Variants in ARHGAP22 observed in about 807,000 individuals in gnomAD.
ARHGAP22 encodes rho GTPase-activating protein 22.
In ARHGAP22, 48 loss-of-function variants were observed where a neutral mutation model predicts 59.1. That is an observed-to-expected ratio of 0.81 (90% CI 0.64 to 1.03). The LOEUF is 1.03. Ranked by LOEUF, ARHGAP22 falls within the 50% of genes least tolerant of loss-of-function variation. ARHGAP22 has a pLI of 0.00. For synonymous variants in ARHGAP22, 445 were observed against 416.4 expected, an observed-to-expected ratio of 1.07 and a Z score of -0.84; for missense variants, 1,015 against 958.7, an observed-to-expected ratio of 1.06 and a Z score of -0.78.
At chr10:48,635,551 C>T (rs1183283613) in intron 1 of ARHGAP22, among the ~76,000 whole-genome samples, 1 of 152,356 alleles carries the variant, frequency 6.6e-6, no homozygotes, top group South Asian at 2.1e-4. Context: ...TGGGTGTCCA[C>T]ACCCCTGGGG....
chr10:48,460,228 G>A (rs1483346057), intron 4 of ARHGAP22, among the ~76,000 whole-genome samples: 1 of 152,172 alleles, frequency 6.6e-6, no homozygotes, highest in African/African-American at 2.4e-5. Flanking sequence ...TGGTTTTGCA[G>A]TCATTCCAAA....
At chr10:48,623,614 A>G (rs2061353002) in intron 1 of ARHGAP22, among the ~76,000 whole-genome samples, 1 of 152,198 alleles carries the variant, frequency 6.6e-6, no homozygotes, top group Admixed American at 6.5e-5. Context: ...CAGATTGTCC[A>G]GGTCAGGCAA....
intron 3 of ARHGAP22, among the ~76,000 whole-genome samples, chr10:48,531,401 TCC>T (rs1035031319): frequency 1.3e-5 from 2 of 152,160 alleles, no homozygotes; most frequent in African/African-American, 4.8e-5. Flanking sequence ...CACCACATGT[TCC>T]CCCAAAACCT....
At chr10:48,527,814 C>T (rs74133408) in intron 3 of ARHGAP22, among the ~76,000 whole-genome samples, 2,667 of 152,284 alleles carry the variant, frequency 0.018, 80 homozygotes, top group African/African-American at 0.06. Flanking sequence ...GTGCTCAAGC[C>T]GCCTTGCTCC....
chr10:48,554,748 C>T (rs1462962124), intron 3 of ARHGAP22, among the ~76,000 whole-genome samples: 8 of 152,134 alleles, frequency 5.3e-5, no homozygotes, highest in African/African-American at 1.7e-4. Flanking sequence ...TGTCCAGAAG[C>T]CCCTGTGGGA....
At chr10:48,471,462 C>T (rs565581477) in intron 4 of ARHGAP22, among the ~76,000 whole-genome samples, 5 of 152,330 alleles carry the variant, frequency 3.3e-5, no homozygotes, top group African/African-American at 1.2e-4. Flanking sequence ...GTCCCAGCCC[C>T]CAGACTTCTG....
chr10:48,603,587 G>A (rs2060509493), intron 1 of ARHGAP22, among the ~76,000 whole-genome samples: 5 of 152,202 alleles, frequency 3.3e-5, no homozygotes, highest in Admixed American at 3.3e-4. Flanking sequence ...TTACACAGGA[G>A]TGGGAGGGTG....
chr10:48,445,151 A>C (rs577914580), downstream of ARHGAP22: 1 of 152,422 alleles, frequency 6.6e-6, no homozygotes, highest in African/African-American at 2.4e-5. Flanking sequence ...ATTTCCTGGG[A>C]GCACTGAGCC....
At chr10:48,576,441 A>T (rs1458897749) in intron 2 of ARHGAP22, among the ~76,000 whole-genome samples, 1 of 152,238 alleles carries the variant, frequency 6.6e-6, no homozygotes, top group Non-Finnish European at 1.5e-5. Context: ...ACTTTAAAAT[A>T]TGGACTTACA....
At chr10:48,451,727 A>G (rs942518801) in intron 8 of ARHGAP22, 1 of 583,330 alleles carries the variant, frequency 1.7e-6, no homozygotes, top group African/African-American at 2.1e-5. Context: ...ACACACACAC[A>G]CAACTGGACA....
chr10:48,479,558 G>A (rs2049078228), intron 4 of ARHGAP22, 78 bp downstream of exon 4: 2 of 1,609,292 alleles, frequency 1.2e-6, no homozygotes, highest in Admixed American at 3.4e-5. Flanking sequence ...AGGGTCTTTG[G>A]GGCTCAGGAC....
At chr10:48,582,466 A>G (rs923185261) in intron 2 of ARHGAP22, among the ~76,000 whole-genome samples, 1 of 152,218 alleles carries the variant, frequency 6.6e-6, no homozygotes, top group Admixed American at 6.5e-5. Flanking sequence ...AATTTGGATG[A>G]AAGGCAGATA....
At chr10:48,458,441 G>A (rs2046793449) in intron 5 of ARHGAP22, among the ~76,000 whole-genome samples, 3 of 152,046 alleles carry the variant, frequency 2.0e-5, no homozygotes, top group Non-Finnish European at 4.4e-5. Context: ...GTGCCCAGGT[G>A]GAGACCCCCC....
intron 3 of ARHGAP22, chr10:48,493,358 T>G (rs551618094): frequency 7.2e-7 from 1 of 1,391,958 alleles, no homozygotes; most frequent in East Asian, 2.5e-5. Context: ...AAACACCACT[T>G]CCCTTTCAAG....
chr10:48,470,011 G>A (rs905806680), intron 4 of ARHGAP22, among the ~76,000 whole-genome samples: 29 of 152,284 alleles, frequency 1.9e-4, no homozygotes, highest in African/African-American at 7.0e-4. Flanking sequence ...GGATATAATG[G>A]GACTGGTTTC....
chr10:48,452,066 A>G (rs559758589), intron 8 of ARHGAP22, among the ~76,000 whole-genome samples: 40 of 151,920 alleles, frequency 2.6e-4, no homozygotes, highest in Non-Finnish European at 5.0e-4. Flanking sequence ...TCCCACATAC[A>G]TATAATCTCG....
At chr10:48,485,297 C>T (rs1404680512) in intron 3 of ARHGAP22, among the ~76,000 whole-genome samples, 2 of 152,054 alleles carry the variant, frequency 1.3e-5, no homozygotes, top group Non-Finnish European at 2.9e-5. Context: ...GATTTCAATA[C>T]GTTGTGTTTT....
At chr10:48,639,356 A>G (rs915631288) in intron 1 of ARHGAP22, among the ~76,000 whole-genome samples, 1 of 152,258 alleles carries the variant, frequency 6.6e-6, no homozygotes, top group Non-Finnish European at 1.5e-5. Context: ...AGCTCAAAGT[A>G]TCCACACATT....
rs1432652004 is a variant in ARHGAP22, at chr10:48,450,618, A to G, written c.1511T>C (p.Ile504Thr). ...CCACGCCATACTGGCCACGCTGGGT[A>G]TGCCGGGGACCAGGCCCGGCGCGGG... ...NVPAPGLVPG[I>T]PSVASMAWSG... The change falls in exon 9 of 10, where the codon ATA becomes ACA. Residue 504 changes from isoleucine (I) to threonine (T), a missense_variant. Ile to Thr is a moderately conservative substitution (Grantham distance 89, BLOSUM62 -1). Transcript: ENST00000249601. The G allele has an allele frequency of 3.2e-6, 5 of 1,548,844 alleles. No homozygotes were observed. The highest frequency in any genetic ancestry group is 1.7e-4 in the Middle Eastern group (1 of 5,988).
Sources: allele counts gnomAD v4.1 joint callset (sites outside exome capture counted in the v4.1 genomes callset), GRCh38; gene constraint gnomAD v4.1.1; transcripts MANE v1.5; gene names NCBI Gene and HGNC (gene_info 2026-07-23, HGNC 2026-07-21).